Variants in PCDHGB1 observed in about 807,000 individuals in gnomAD.
PCDHGB1 encodes the protein protocadherin gamma-B1.
A neutral mutation model predicts 56.6 loss-of-function variants in PCDHGB1; 34 were observed. The ratio of observed to expected loss-of-function variants is 0.60; its 90% CI spans 0.46 to 0.80. The LOEUF (loss-of-function observed/expected upper bound fraction) is 0.80, where lower values mean the gene tolerates loss of function less well. Among genes scored for constraint, PCDHGB1 ranks in the 30% least tolerant of loss-of-function variants. The pLI is 0.00. For missense variants in PCDHGB1, 1,278 were observed against 1,204.6 expected (o/e 1.06, Z -0.90); for synonymous variants, 561 against 505.9 (o/e 1.11, Z -1.46).
At chr5:141,391,107 T>C (rs1225302584) in intron 1 of PCDHGB1, 1 of 152,098 alleles carries the variant, frequency 6.6e-6, no homozygotes, top group African/African-American at 2.4e-5. Context: ...CCTAAACTAA[T>C]ATAGCTAGAG....
At position 141,491,539 on chromosome 5, in the gene PCDHGB1, A is replaced by G; in HGVS notation, c.2410-3268A>G. ...GTACATGGAGGTGACGCTGCGGCCC[A>G]CAGACTCGCAGAGCCACTGCTACAG... On this transcript the variant is annotated intron_variant, in intron 1 of 3. Coordinates refer to ENST00000523390, the MANE Select transcript of PCDHGB1 (RefSeq NM_018922.3). This position sits in a 1 kb window ranked among gnomAD's most constrained non-coding sequence, Gnocchi z 6.9. The G allele has an allele frequency of 6.2e-7, 1 of 1,613,968 alleles. No homozygotes were observed. The highest frequency in any genetic ancestry group is 1.1e-5 in the South Asian group (1 of 91,074).
At chr5:141,389,426 G>C (rs868246317) in intron 1 of PCDHGB1, 1 of 1,613,498 alleles carries the variant, frequency 6.2e-7, no homozygotes, top group Non-Finnish European at 8.5e-7. Context: ...TGGTGTTCGC[G>C]CAGCGCGCCT....
At chr5:141,389,969 C>CTTGA (rs746625491) in intron 1 of PCDHGB1, 8 of 1,613,924 alleles carry the variant, frequency 5.0e-6, no homozygotes, top group Non-Finnish European at 6.8e-6. Flanking sequence ...TGGCCTTGGC[C>CTTGA]TTGATCTCAG....
intron 1 of PCDHGB1, among the ~76,000 whole-genome samples, chr5:141,444,241 G>A (rs1302797543): frequency 3.1e-5 from 4 of 130,308 alleles, no homozygotes; most frequent in Admixed American, 1.9e-4. Flanking sequence ...GCATGCTCTC[G>A]GCTCACTGCA....
At chr5:141,375,928 A>G (rs3749773) in intron 1 of PCDHGB1, 89,673 of 1,613,560 alleles carry the variant, frequency 0.056, 2,973 homozygotes, top group African/African-American at 0.14. Context: ...GCGAGCCAGG[A>G]CTTTTCTCAG....
At position 141,388,660 on chromosome 5, in the gene PCDHGB1, C is replaced by A. The variant is rs762083225; in HGVS notation, c.2409+35991C>A. 5.0e-6 allele frequency: 8 copies of A among 1,613,714 alleles called. No individual in the cohort carries two copies. The South Asian group carries it at 8.8e-5, about 18-fold the overall frequency. On this transcript the variant is annotated intron_variant, in intron 1 of 3. Transcript: ENST00000523390. Reference sequence around the variant, plus strand: ...CTTTCAGAAAACGTGTACCCGGGGACCACGGTGCTACAGGTGACTGCCACG... The same window carrying A: ...CTTTCAGAAAACGTGTACCCGGGGAACACGGTGCTACAGGTGACTGCCACG...
rs951164053 is a variant in PCDHGB1 at position 141,366,888 on chromosome 5, T to C, written c.2409+14219T>C. On this transcript the variant is annotated intron_variant, in intron 1 of 3. Coordinates refer to ENST00000523390, the MANE Select transcript of PCDHGB1 (RefSeq NM_018922.3). ...CTGTATTGGAGATTAATTTTTTTTA[T>C]ATAATTCATGCTTTCTCCATTTGTT... is the stretch of plus-strand genomic sequence containing the variant. 3.1e-6 allele frequency: 4 copies of C among 1,273,828 alleles called. No homozygotes were observed. The Admixed American group carries it at 7.6e-5, about 24-fold the overall frequency. The allele number at this position is 1,273,828 out of a possible 1,614,324, so 78.9% of individuals were successfully genotyped here. A position where few individuals can be genotyped will look rare whatever the true frequency, so the allele number is the denominator to read the frequency against.
intron 1 of PCDHGB1, chr5:141,375,280 C>A (rs771324220): frequency 6.2e-7 from 1 of 1,613,794 alleles, no homozygotes; most frequent in Admixed American, 1.7e-5. Flanking sequence ...AATCAGTTGG[C>A]AATTATTATC....
Position 141,476,110 on chromosome 5 carries a change from G to A in PCDHGB1, c.2410-18697G>A. ...GACCCCGCTGAGAGGAACTGCTTTT[G>A]AGTGAGATGGTCCCAGAGGCCTGGA... On this transcript the variant is annotated intron_variant, in intron 1 of 3. Transcript: ENST00000523390. The surrounding 1 kb of genome is among the most constrained non-coding windows in gnomAD (Gnocchi z 7.6). 1.9e-6 allele frequency: 3 copies of A among 1,589,382 alleles called. No homozygotes were observed. The highest frequency in any genetic ancestry group is 2.6e-6 in the Non-Finnish European group (3 of 1,170,364).
chr5:141,508,919 C>T (rs1166086266), intron 3 of PCDHGB1, among the ~76,000 whole-genome samples: 1 of 151,996 alleles, frequency 6.6e-6, no homozygotes, highest in Non-Finnish European at 1.5e-5. Context: ...GATCTGGCTT[C>T]CTTTTGGAGT....
At chr5:141,369,295 G>T (rs556803561) in intron 1 of PCDHGB1, among the ~76,000 whole-genome samples, 1 of 152,082 alleles carries the variant, frequency 6.6e-6, no homozygotes, top group African/African-American at 2.4e-5. Flanking sequence ...TCCTAATAAC[G>T]CATCATTGTT....
intron 1 of PCDHGB1, chr5:141,430,740 A>C (rs1485485180): frequency 5.3e-6 from 8 of 1,497,664 alleles, no homozygotes; most frequent in Non-Finnish European, 7.1e-6. Context: ...AATTGAAAAT[A>C]ATTCTGGAGG....
At chr5:141,450,790 A>G (rs2098694056) in intron 1 of PCDHGB1, among the ~76,000 whole-genome samples, 1 of 148,832 alleles carries the variant, frequency 6.7e-6, no homozygotes, top group Admixed American at 6.7e-5. Context: ...CCCGGACCTC[A>G]TGATTGTATT....
At chr5:141,389,842 C>T (rs779733638) in intron 1 of PCDHGB1, 21 of 1,614,018 alleles carry the variant, frequency 1.3e-5, no homozygotes, top group Non-Finnish European at 1.7e-5. Context: ...CCACCACTCT[C>T]GGCCACTGCC....
chr5:141,384,399 A>G (rs1269939422), intron 1 of PCDHGB1: 2 of 1,613,970 alleles, frequency 1.2e-6, no homozygotes, highest in Non-Finnish European at 1.7e-6. Context: ...AGGGGGCTCC[A>G]GTGTCCTCCT....
Position 141,422,179 on chromosome 5 carries a change from A to G in PCDHGB1, c.2409+69510A>G, listed in dbSNP as rs757086661. The G allele has an allele frequency of 2.0e-5, 32 of 1,562,402 alleles. No homozygotes were observed. Among genetic ancestry groups the G allele is most frequent in the Non-Finnish European group, 2.6e-5 (30 of 1,159,048 alleles). ...TTTTGAAAAATATAGATTCTATGAG[A>G]TGGAAATTCAAGGCCAAGATGGTGG... is the stretch of plus-strand genomic sequence containing the variant. On this transcript the variant is annotated intron_variant, in intron 1 of 3. Coordinates refer to ENST00000523390, the MANE Select transcript of PCDHGB1 (RefSeq NM_018922.3).
In PCDHGB1 at chr5:141,432,866, G is replaced by A; in HGVS notation, c.2410-61941G>A. The A allele has an allele frequency of 6.2e-7, 1 of 1,614,152 alleles. No individual in the cohort carries two copies. The highest frequency in any genetic ancestry group is 8.5e-7 in the Non-Finnish European group (1 of 1,180,008). On this transcript the variant is annotated intron_variant, in intron 1 of 3. Transcript: ENST00000523390. This position sits in a 1 kb window ranked among gnomAD's most constrained non-coding sequence, Gnocchi z 6.0. ...GGTAGCGGTGGCCGCGGTCTCCTGC[G>A]TCTTCCTGGCCTTCGTCATCTTGCT...
chr5:141,435,108 G>A lies in PCDHGB1; in HGVS notation c.2410-59699G>A, dbSNP rs1027955145. ...AACTGATCTGTTTATCTAGGGGGGA[G>A]AAATCTAATTCAATGGAAAATATAA... On this transcript the variant is annotated intron_variant, in intron 1 of 3. Transcript: ENST00000523390. Among the ~76,000 whole-genome samples, 3 of 152,144 alleles carry A rather than the reference G, an allele frequency of 2.0e-5. No homozygotes were observed. In the South Asian group the frequency reaches 6.2e-4, roughly 32 times the overall value.
At chr5:141,427,617 G>A (rs1295636754) in intron 1 of PCDHGB1, 3 of 694,694 alleles carry the variant, frequency 4.3e-6, no homozygotes, top group Admixed American at 2.0e-5. Flanking sequence ...TGAAGTCAAC[G>A]ACAATGCTCC....
Sources: allele counts gnomAD v4.1 joint callset (sites outside exome capture counted in the v4.1 genomes callset), GRCh38; gene constraint gnomAD v4.1.1; non-coding constraint Gnocchi (gnomAD v3.1); transcripts MANE v1.5; gene names NCBI Gene and HGNC (gene_info 2026-07-23, HGNC 2026-07-21).